The following VTI1A variants were observed in gnomAD, a reference collection of about 807,000 sequenced individuals.
The protein encoded by VTI1A is vesicle transport through interaction with t-SNAREs homolog 1A.
A neutral mutation model predicts 34.9 loss-of-function variants in VTI1A; 22 were observed. That is an observed-to-expected ratio of 0.63 (90% confidence interval 0.45 to 0.90). The LOEUF is 0.90. Among genes scored for constraint, VTI1A ranks in the 40% least tolerant of loss-of-function variants. The pLI is 0.00. For missense variants in VTI1A, 268 were observed against 275.6 expected (o/e 0.97, Z 0.20); for synonymous variants, 87 against 97.3 (o/e 0.89, Z 0.62).
At chr10:112,602,210 G>A (rs1012243154) in intron 5 of VTI1A, among the ~76,000 whole-genome samples, 8 of 152,194 alleles carry the variant, frequency 5.3e-5, no homozygotes, top group South Asian at 2.1e-4. Context: ...AATAATTACA[G>A]CAGGGGCTAG....
chr10:112,493,495 A>G lies in VTI1A; in HGVS notation c.264+28838A>G, dbSNP rs941974804. Among the ~76,000 whole-genome samples the G allele has an allele frequency of 9.2e-5, 14 of 152,228 alleles. No individual in the cohort carries two copies. In the Middle Eastern group the frequency reaches 0.01, roughly 111 times the overall value. On this transcript the variant is annotated intron_variant, in intron 3 of 7. Coordinates refer to ENST00000393077, the MANE Select transcript of VTI1A (RefSeq NM_145206.4). ...ATTTTTCCCTTTTTCCACTGGCTACACACTGATATAATACTGAATAAGAAT... is the reference window on the plus strand; with the variant it reads ...ATTTTTCCCTTTTTCCACTGGCTACGCACTGATATAATACTGAATAAGAAT...
chr10:112,655,334 A>G (rs957337914), intron 5 of VTI1A, among the ~76,000 whole-genome samples: 4 of 152,208 alleles, frequency 2.6e-5, no homozygotes, highest in African/African-American at 4.8e-5. Context: ...CAAAGGATAG[A>G]AACCAAGGAG....
chr10:112,551,014 C>T (rs1039233795), intron 5 of VTI1A, among the ~76,000 whole-genome samples: 5 of 152,020 alleles, frequency 3.3e-5, no homozygotes, highest in African/African-American at 7.3e-5. Context: ...GAGGCCAAGG[C>T]GGGCGGATCA....
At chr10:112,617,920 C>T (rs997168935) in intron 5 of VTI1A, among the ~76,000 whole-genome samples, 11 of 152,016 alleles carry the variant, frequency 7.2e-5, no homozygotes, top group East Asian at 3.9e-4. Flanking sequence ...TTTGGGAGGC[C>T]GAGGTGGCTG....
At chr10:112,637,763 A>C (rs1239471295) in intron 5 of VTI1A, among the ~76,000 whole-genome samples, 2 of 152,212 alleles carry the variant, frequency 1.3e-5, no homozygotes, top group African/African-American at 4.8e-5. Flanking sequence ...AAGTAATTGC[A>C]CCTTTATTTC....
intron 3 of VTI1A, among the ~76,000 whole-genome samples, chr10:112,499,908 G>A (rs562989797): frequency 7.4e-4 from 113 of 152,190 alleles, no homozygotes; most frequent in African/African-American, 2.7e-3. Context: ...TCACTCTCTT[G>A]TTCTCTTGAC....
At chr10:112,713,076 A>G (rs975172514) in intron 7 of VTI1A, among the ~76,000 whole-genome samples, 1 of 151,986 alleles carries the variant, frequency 6.6e-6, no homozygotes, top group African/African-American at 2.4e-5. Context: ...CATGGCCATC[A>G]AGGCTGCCCA....
chr10:112,795,795 T>G (rs184223053), intron 7 of VTI1A, among the ~76,000 whole-genome samples: 2 of 152,180 alleles, frequency 1.3e-5, no homozygotes, highest in African/African-American at 4.8e-5. Context: ...TTTTATTCAA[T>G]ATACTGAATT....
intron 7 of VTI1A, among the ~76,000 whole-genome samples, chr10:112,728,152 G>A (rs918510334): frequency 6.6e-6 from 1 of 152,004 alleles, no homozygotes; most frequent in African/African-American, 2.4e-5. Flanking sequence ...ACCAGTCCCT[G>A]CGTAAAGAGA....
At chr10:112,779,982 A>G (rs535943632) in intron 7 of VTI1A, among the ~76,000 whole-genome samples, 1 of 152,016 alleles carries the variant, frequency 6.6e-6, no homozygotes, top group African/African-American at 2.4e-5. Flanking sequence ...TGAGTTACTG[A>G]GATTGTTTAA....
chr10:112,606,094 G>A (rs531336749), intron 5 of VTI1A, among the ~76,000 whole-genome samples: 5 of 149,152 alleles, frequency 3.4e-5, no homozygotes, highest in South Asian at 4.2e-4. Flanking sequence ...GCGTGATCTC[G>A]GCTCACCACA....
chr10:112,741,368 T>G (rs1171799107), intron 7 of VTI1A, among the ~76,000 whole-genome samples: 2 of 152,162 alleles, frequency 1.3e-5, no homozygotes, highest in Admixed American at 1.3e-4. Context: ...GGCAGGAGTA[T>G]CACTTGAGCC....
chr10:112,520,387 T>C (rs1249355766), intron 3 of VTI1A, among the ~76,000 whole-genome samples: 3 of 152,056 alleles, frequency 2.0e-5, no homozygotes, highest in Non-Finnish European at 4.4e-5. Flanking sequence ...TACTAACTTA[T>C]GTTGCCTTTT....
At chr10:112,853,150 A>G in the VTI1A span, among the ~76,000 whole-genome samples, 1 of 152,200 alleles carries the variant, frequency 6.6e-6, no homozygotes, top group Non-Finnish European at 1.5e-5. Context: ...GGCCAAATCC[A>G]TAAGACTCAC....
chr10:112,766,127 A>G (rs1385292837), intron 7 of VTI1A, among the ~76,000 whole-genome samples: 3 of 152,194 alleles, frequency 2.0e-5, no homozygotes, highest in African/African-American at 7.2e-5. Flanking sequence ...GGCCAGACCT[A>G]TAGGTGTAGT....
At chr10:112,676,686 T>C (rs950690484) in intron 7 of VTI1A, among the ~76,000 whole-genome samples, 1 of 152,220 alleles carries the variant, frequency 6.6e-6, no homozygotes, top group African/African-American at 2.4e-5. Flanking sequence ...AGACATTTGC[T>C]TTGTCTGTTA....
At chr10:112,735,578 A>G (rs1315798810) in intron 7 of VTI1A, among the ~76,000 whole-genome samples, 1 of 152,188 alleles carries the variant, frequency 6.6e-6, no homozygotes, top group East Asian at 1.9e-4. Flanking sequence ...AGCCATCCAC[A>G]AGTTATTAAT....
At chr10:112,764,883 C>T (rs1851594942) in intron 7 of VTI1A, among the ~76,000 whole-genome samples, 1 of 152,144 alleles carries the variant, frequency 6.6e-6, no homozygotes, top group East Asian at 1.9e-4. Flanking sequence ...CTTGTACATA[C>T]ATATACCTGT....
intron 5 of VTI1A, among the ~76,000 whole-genome samples, chr10:112,563,837 T>C (rs184530466): frequency 1.1e-4 from 16 of 152,326 alleles, no homozygotes; most frequent in African/African-American, 3.6e-4. Flanking sequence ...GATTCCTTGA[T>C]GTGGACTGGC....
Sources: allele counts gnomAD v4.1 joint callset (sites outside exome capture counted in the v4.1 genomes callset), GRCh38; gene constraint gnomAD v4.1.1; transcripts MANE v1.5; gene names NCBI Gene and HGNC (gene_info 2026-07-23, HGNC 2026-07-21).